KIF5C: variants seen among roughly 807,000 people sequenced by gnomAD.
The protein encoded by KIF5C is kinesin family member 5C.
A neutral mutation model predicts 125.2 loss-of-function variants in KIF5C; 18 were observed. The ratio of observed to expected loss-of-function variants is 0.14; its 90% confidence interval spans 0.10 to 0.21. The LOEUF (loss-of-function observed/expected upper bound fraction) is 0.21. KIF5C is among the 10% of genes least tolerant of loss of function. KIF5C has a pLI of 1.00. For synonymous variants in KIF5C, 405 were observed against 434.0 expected (o/e 0.93, Z 0.83); for missense variants, 780 against 1,183.8 (o/e 0.66, Z 5.01).
chr2:148,881,081 T>C (rs551345705), intron 1 of KIF5C, among the ~76,000 whole-genome samples: 69 of 151,456 alleles, frequency 4.6e-4, no homozygotes, highest in African/African-American at 1.6e-3. Flanking sequence ...GGTGAGAGAG[T>C]GTCTGGCACA....
At chr2:148,927,887 C>T (rs1184479960) in intron 2 of KIF5C, among the ~76,000 whole-genome samples, 2 of 151,944 alleles carry the variant, frequency 1.3e-5, no homozygotes, top group African/African-American at 4.8e-5. Context: ...TCCTCTTGCT[C>T]CCCCTCCTCT....
chr2:148,998,493 A>G lies in KIF5C; in HGVS notation c.2194A>G (p.Ile732Val). 1 of 1,557,556 alleles carries G rather than the reference A, an allele frequency of 6.4e-7. No homozygotes were observed. The highest frequency in any genetic ancestry group is 8.7e-7 in the Non-Finnish European group (1 of 1,150,404). Residue 732 changes from isoleucine (I) to valine (V), a missense_variant, in exon 19 of 26, where the codon ATT (isoleucine) becomes GTT (valine). This residue lies in a region of KIF5C where 573 missense variants were observed against 742.6 expected (regional missense o/e 0.77). Transcript: ENST00000435030. ...RDEIEEKQKI[I>V]DEIRDLNQKL... ...CGAAATTGAGGAGAAGCAGAAAATC[A>G]TTGATGAGATTCGGGAGTGAGTCGG...
intron 24 of KIF5C, among the ~76,000 whole-genome samples, chr2:149,011,265 A>G (rs1198019819): frequency 1.3e-5 from 2 of 152,250 alleles, no homozygotes; most frequent in African/African-American, 2.4e-5. Context: ...CTTGAAAGTC[A>G]TGGGGAACCT....
chr2:148,987,624 G>A (rs373954243), intron 15 of KIF5C, among the ~76,000 whole-genome samples: 26 of 152,014 alleles, frequency 1.7e-4, no homozygotes, highest in African/African-American at 4.1e-4. Flanking sequence ...GCTGGAACTC[G>A]GTATTTAACA....
chr2:149,004,890 G>T (rs940433809), intron 21 of KIF5C, among the ~76,000 whole-genome samples: 2 of 152,204 alleles, frequency 1.3e-5, no homozygotes, highest in African/African-American at 4.8e-5. Context: ...TCATCCGTAA[G>T]CTCAGTGACT....
chr2:148,881,201 A>G (rs1308007654), intron 1 of KIF5C, among the ~76,000 whole-genome samples: 3 of 152,094 alleles, frequency 2.0e-5, no homozygotes, highest in African/African-American at 4.8e-5. Flanking sequence ...CCTTCTGGCT[A>G]TCCCCTGAAA....
intron 12 of KIF5C, 80 bp downstream of exon 12, chr2:148,973,591 G>A: frequency 6.8e-7 from 1 of 1,473,750 alleles, no homozygotes; most frequent in Non-Finnish European, 9.0e-7. Context: ...TGGGGCTGAT[G>A]TAGGGCTACA....
intron 1 of KIF5C, among the ~76,000 whole-genome samples, chr2:148,891,479 G>A (rs7570015): frequency 0.18 from 27,335 of 151,610 alleles, 4,206 homozygotes; most frequent in African/African-American, 0.42. Flanking sequence ...ATATCAATTA[G>A]TCGAATGTCT....
At chr2:149,011,394 T>A (rs1418377008) in intron 24 of KIF5C, among the ~76,000 whole-genome samples, 176 bp from the exon 25 acceptor site, 1 of 152,236 alleles carries the variant, frequency 6.6e-6, no homozygotes, top group East Asian at 1.9e-4. Context: ...ATGCCTTGGA[T>A]TTGCTAAGTA....
intron 4 of KIF5C, among the ~76,000 whole-genome samples, chr2:148,938,546 C>T (rs1682339380): frequency 6.6e-6 from 1 of 152,138 alleles, no homozygotes. Context: ...CCACCATTCC[C>T]TTATTTCCAA....
At chr2:148,986,057 T>C (rs1681373928) in intron 15 of KIF5C, among the ~76,000 whole-genome samples, 1 of 152,230 alleles carries the variant, frequency 6.6e-6, no homozygotes. Flanking sequence ...GGTGATTAAA[T>C]GGCCTCACAA....
At chr2:148,939,364 A>C (rs1682360331) in intron 4 of KIF5C, among the ~76,000 whole-genome samples, 1 of 152,202 alleles carries the variant, frequency 6.6e-6, no homozygotes, top group Non-Finnish European at 1.5e-5. Context: ...CTTCTTGCCA[A>C]GGTTCTTTAT....
At chr2:148,907,838 G>T (rs1681174715) in intron 1 of KIF5C, among the ~76,000 whole-genome samples, 1 of 152,206 alleles carries the variant, frequency 6.6e-6, no homozygotes, top group African/African-American at 2.4e-5. Flanking sequence ...AGTCAAAGTG[G>T]TTAGCGACCC....
At chr2:148,942,130 T>C in intron 6 of KIF5C, 140 bp downstream of exon 6, 1 of 951,578 alleles carries the variant, frequency 1.1e-6, no homozygotes, top group Non-Finnish European at 1.5e-6. Context: ...AATATTCATC[T>C]GGTTTTAAAA....
chr2:148,929,476 CAATT>C, intron 3 of KIF5C, 122 bp downstream of exon 3: 1 of 618,692 alleles, frequency 1.6e-6, no homozygotes, highest in Non-Finnish European at 2.8e-6. Context: ...TATGTTTGGC[CAATT>C]AATTATGTCT....
At chr2:148,962,331 A>G (rs1682947910) in intron 11 of KIF5C, among the ~76,000 whole-genome samples, 1 of 147,204 alleles carries the variant, frequency 6.8e-6, no homozygotes, top group Non-Finnish European at 1.5e-5. Flanking sequence ...ACACCTGGCT[A>G]ATTTTTGTAA....
At chr2:148,906,246 A>G (rs1350328594) in intron 1 of KIF5C, among the ~76,000 whole-genome samples, 2 of 152,216 alleles carry the variant, frequency 1.3e-5, no homozygotes, top group African/African-American at 4.8e-5. Context: ...ATTCAGCAGA[A>G]AAAGAGGGTG....
chr2:149,009,269 C>T (rs577910820), intron 23 of KIF5C, among the ~76,000 whole-genome samples: 4 of 152,140 alleles, frequency 2.6e-5, no homozygotes, highest in South Asian at 4.2e-4. Context: ...GAATTACAGA[C>T]GTGAGCCACT....
intron 12 of KIF5C, among the ~76,000 whole-genome samples, chr2:148,978,273 C>T (rs1465708460): frequency 6.6e-6 from 1 of 151,138 alleles, no homozygotes; most frequent in Non-Finnish European, 1.5e-5. Context: ...ATTTGCCTTT[C>T]CCACTTCAGT....
Sources: gnomAD v4.1 joint callset for allele counts (sites outside exome capture counted in the v4.1 genomes callset) on GRCh38, gnomAD v4.1.1 for gene constraint, gnomAD v4.1.1 regional missense constraint, MANE v1.5 for transcripts, NCBI Gene and HGNC (gene_info 2026-07-23, HGNC 2026-07-21) for gene names.